Variants in ACOX3 observed in about 807,000 individuals in gnomAD.
The protein encoded by ACOX3 is acyl-CoA oxidase 3, pristanoyl.
ACOX3 carries 73 observed loss-of-function variants against 81.5 expected under a neutral mutation model. The ratio of observed to expected loss-of-function variants is 0.90; its 90% CI spans 0.74 to 1.09. ACOX3 has a LOEUF of 1.09. Among genes scored for constraint, ACOX3 ranks in the 50% least tolerant of loss-of-function variants. ACOX3 has a pLI of 0.00. For synonymous variants in ACOX3, 387 were observed against 375.1 expected (o/e 1.03, Z -0.37); for missense variants, 947 against 928.0 (o/e 1.02, Z -0.27).
intron 9 of ACOX3, among the ~76,000 whole-genome samples, chr4:8,395,829 G>A (rs1458463043): frequency 6.6e-6 from 1 of 151,906 alleles, no homozygotes; most frequent in African/African-American, 2.4e-5. Context: ...CAAAGGATGT[G>A]GACAGAAACA....
rs1716106419 is a variant in ACOX3, at chr4:8,370,924, C to A, written c.1967G>T (p.Gly656Val). Residue 656 changes from glycine to valine, a missense_variant, in exon 17 of 18, where the codon GGC becomes GTC. Transcript: ENST00000356406. This position sits in a 1 kb window ranked among gnomAD's most constrained non-coding sequence, Gnocchi z 6.3. The part of the protein sequence containing the change: ...PPDFVLDSPI[G>V]RADGELYKNL... ...TCCCTTTACCTCGCCGTCGGCTCTG[C>A]CAATCGGTGAGTCCAGAACAAAGTC... 2 of 1,613,932 alleles carry A rather than the reference C, an allele frequency of 1.2e-6. No homozygotes were observed. Among genetic ancestry groups the A allele is most frequent in the Non-Finnish European group, 1.7e-6 (2 of 1,179,998 alleles).
chr4:8,402,890 G>C (rs1176065391), intron 7 of ACOX3, among the ~76,000 whole-genome samples: 1 of 152,184 alleles, frequency 6.6e-6, no homozygotes, highest in Non-Finnish European at 1.5e-5. Context: ...TATTGCAGCA[G>C]CTTCCTTCCT....
chr4:8,366,883 C>A lies in ACOX3; in HGVS notation c.*78G>T, dbSNP rs549418262. ...AAGCAGCAGCAATCTCCGGCGTGTT[C>A]TGGAATCAGAAGTTGAGGTCCACGT... On this transcript the variant is annotated 3_prime_UTR_variant, in exon 18 of 18. Coordinates refer to ENST00000356406, the MANE Select transcript of ACOX3 (RefSeq NM_003501.3). 119 of 1,570,222 alleles carry A rather than the reference C, an allele frequency of 7.6e-5. No individual in the cohort carries two copies. The highest frequency in any genetic ancestry group is 9.5e-5 in the Non-Finnish European group (109 of 1,148,578).
chr4:8,416,398 C>T lies in ACOX3; in HGVS notation c.124G>A (p.Glu42Lys). 6.2e-7 allele frequency: 1 copy of T among 1,614,226 alleles called. No homozygotes were observed. The highest frequency in any genetic ancestry group is 8.5e-7 in the Non-Finnish European group (1 of 1,180,044). Residue 42 changes from glutamate to lysine, a missense_variant, in exon 2 of 18, where the codon GAG becomes AAG. Glu to Lys is a moderately conservative substitution (Grantham distance 56, BLOSUM62 1). Transcript: ENST00000356406. The surrounding 1 kb of genome is among the most constrained non-coding windows in gnomAD (Gnocchi z 4.2). Reference protein sequence around the residue: ...WKELALFTEGEGMLRFKKTIF... With the variant: ...WKELALFTEGKGMLRFKKTIF... The stretch of plus-strand genomic sequence containing the variant: ...CTCACCTTAAAGCGGAGCATGCCCT[C>T]CCCTTCCGTGAACAGCGCCAGCTCC...
rs564343994 is a variant in ACOX3 at position 8,370,207 on chromosome 4, G to A, written c.1983+701C>T. Among the ~76,000 whole-genome samples, 362 of 152,342 alleles carry A rather than the reference G, an allele frequency of 2.4e-3. 1 individual carries two copies. The highest frequency in any genetic ancestry group is 8.4e-3 in the African/African-American group (348 of 41,576). On this transcript the variant is annotated intron_variant, in intron 17 of 17. Coordinates refer to ENST00000356406, the MANE Select transcript of ACOX3 (RefSeq NM_003501.3). This position sits in a 1 kb window ranked among gnomAD's most constrained non-coding sequence, Gnocchi z 6.3. ...GCCCTGGGGTGGGCATGGGCCTGGC[G>A]CGACAGACGGGGAGGCCAGTAAGGC...
At chr4:8,365,601 G>A (rs1578836707), downstream of ACOX3, among the ~76,000 whole-genome samples, 1 of 152,156 alleles carries the variant, frequency 6.6e-6, no homozygotes, top group South Asian at 2.1e-4. Flanking sequence ...GCAGCAAACG[G>A]CACAGCTCAC....
At chr4:8,411,247 G>A (rs562391783) in intron 5 of ACOX3, among the ~76,000 whole-genome samples, 95 of 152,366 alleles carry the variant, frequency 6.2e-4, no homozygotes, top group African/African-American at 2.2e-3. Context: ...CGCGGAGCTT[G>A]CCAGTCACTG....
intron 1 of ACOX3, among the ~76,000 whole-genome samples, chr4:8,426,550 C>G (rs562607325): frequency 7.3e-6 from 1 of 136,670 alleles, no homozygotes; most frequent in East Asian, 2.5e-4. Context: ...CCCCCTTTCA[C>G]TATCACCTCA....
chr4:8,402,834 C>T (rs1467449826), intron 7 of ACOX3, among the ~76,000 whole-genome samples: 2 of 152,178 alleles, frequency 1.3e-5, no homozygotes, highest in Non-Finnish European at 2.9e-5. Flanking sequence ...ATCCCAGAAG[C>T]GCCCAGACCT....
intron 14 of ACOX3, among the ~76,000 whole-genome samples, chr4:8,375,710 CTTTATGTCCATGAGTGCCCCATG>C (rs1318807343): frequency 6.6e-6 from 1 of 152,246 alleles, no homozygotes; most frequent in Non-Finnish European, 1.5e-5. Context: ...CCGCTCCCAT[CTTTATGTCCATGAGTGCCCCATG>C]TTTAGCTCCC....
chr4:8,376,200 T>C (rs565732978), intron 14 of ACOX3, among the ~76,000 whole-genome samples: 1 of 152,312 alleles, frequency 6.6e-6, no homozygotes, highest in South Asian at 2.1e-4. Context: ...TTAATGAATA[T>C]CAAAAACATT....
rs1718165055 is a variant in ACOX3, at chr4:8,385,234, A to G, written c.1538-3627T>C. Among the ~76,000 whole-genome samples the G allele has an allele frequency of 6.6e-6, 1 of 151,900 alleles. No individual in the cohort carries two copies. The highest frequency in any genetic ancestry group is 1.5e-5 in the Non-Finnish European group (1 of 67,950). On this transcript the variant is annotated intron_variant, in intron 13 of 17. Transcript: ENST00000356406. The surrounding 1 kb of genome is among the most constrained non-coding windows in gnomAD (Gnocchi z 5.5). Reference sequence around the variant, plus strand: ...CACCACGAACCCCACTGCTCACCTCATATGACCCCACTGCCCACCTCACAT... The same window carrying G: ...CACCACGAACCCCACTGCTCACCTCGTATGACCCCACTGCCCACCTCACAT...
rs201716553 is a variant in ACOX3, at chr4:8,401,384, TCTTC to T, written c.777-1736_777-1733del. The stretch of plus-strand genomic sequence containing the variant: ...AGAGGCACCCGTTTCCTGCGTGGGC[TCTTC>T]CTTGAGTCCTGCTCAGGATGCCCCC... On this transcript the variant is annotated intron_variant, in intron 7 of 17. Coordinates refer to ENST00000356406, the MANE Select transcript of ACOX3 (RefSeq NM_003501.3). Among the ~76,000 whole-genome samples, 51 of 152,302 alleles carry T rather than the reference TCTTC, an allele frequency of 3.3e-4. No individual in the cohort carries two copies. In the East Asian group the frequency reaches 9.5e-3, roughly 28 times the overall value.
chr4:8,426,913 A>G (rs1452464319), intron 1 of ACOX3, among the ~76,000 whole-genome samples: 1 of 152,144 alleles, frequency 6.6e-6, no homozygotes, highest in Non-Finnish European at 1.5e-5. Context: ...TCCCGAGGAA[A>G]TCTCAACTGC....
chr4:8,374,901 C>T, intron 15 of ACOX3, 77 bp downstream of exon 15: 8 of 1,402,920 alleles, frequency 5.7e-6, no homozygotes, highest in Non-Finnish European at 7.5e-6. Flanking sequence ...GACGATGGTG[C>T]AGGAAGCAGC....
At position 8,368,608 on chromosome 4, in the gene ACOX3, C is replaced by A. The variant is rs1177534594; in HGVS notation, c.1984-1528G>T. Among the ~76,000 whole-genome samples, 3 of 152,220 alleles carry A rather than the reference C, an allele frequency of 2.0e-5. No homozygotes were observed. Among genetic ancestry groups the A allele is most frequent in the African/African-American group, 4.8e-5 (2 of 41,456 alleles). The stretch of plus-strand genomic sequence containing the variant: ...CCAGCTTATGTTTCACAGTTTGGAG[C>A]AGCGGGCTTGATTTAAGGATGGTCT... On this transcript the variant is annotated intron_variant, in intron 17 of 17. Transcript: ENST00000356406. This position sits in a 1 kb window ranked among gnomAD's most constrained non-coding sequence, Gnocchi z 5.9.
At chr4:8,380,672 A>G (rs1293774483) in intron 14 of ACOX3, among the ~76,000 whole-genome samples, 1 of 152,270 alleles carries the variant, frequency 6.6e-6, no homozygotes, top group South Asian at 2.1e-4. Context: ...GGGTCCCCAT[A>G]GCAGCTTCAT....
chr4:8,398,155 C>T (rs1719931784), intron 8 of ACOX3, among the ~76,000 whole-genome samples: 1 of 152,124 alleles, frequency 6.6e-6, no homozygotes, highest in Admixed American at 6.5e-5. Context: ...GACAGAGCAA[C>T]ACTCCACCTC....
Position 8,370,569 on chromosome 4 carries a change from A to C in ACOX3, c.1983+339T>G, listed in dbSNP as rs1716056504. Among the ~76,000 whole-genome samples, 1 of 148,706 alleles carries C rather than the reference A, an allele frequency of 6.7e-6. No homozygotes were observed. The highest frequency in any genetic ancestry group is 2.5e-5 in the African/African-American group (1 of 39,938). On this transcript the variant is annotated intron_variant, in intron 17 of 17. Transcript: ENST00000356406. The surrounding 1 kb of genome is among the most constrained non-coding windows in gnomAD (Gnocchi z 6.3). The stretch of plus-strand genomic sequence containing the variant: ...CCAGGAGCATGGTCAGATGGGGGTA[A>C]GACCTGGGACCGGGGAGGCCGGGGG...
Sources: gnomAD v4.1 joint callset for allele counts (sites outside exome capture counted in the v4.1 genomes callset) on GRCh38, gnomAD v4.1.1 for gene constraint, Gnocchi (gnomAD v3.1) non-coding constraint, MANE v1.5 for transcripts, NCBI Gene and HGNC (gene_info 2026-07-23, HGNC 2026-07-21) for gene names.